The following DNAJC5 variants were observed in gnomAD, a reference collection of about 807,000 sequenced individuals.
The protein encoded by DNAJC5 is DnaJ heat shock protein family (Hsp40) member C5, also known as dnaJ homolog subfamily C member 5.
Under a neutral mutation model 23.2 loss-of-function variants are expected in DNAJC5, and 1 was observed. That is an observed-to-expected ratio of 0.04 (90% confidence interval 0.02 to 0.20). The LOEUF (loss-of-function observed/expected upper bound fraction) is 0.20. Ranked by LOEUF, DNAJC5 falls within the 10% of genes least tolerant of loss-of-function variation. DNAJC5 has a pLI of 1.00. For missense variants in DNAJC5, 180 were observed against 267.0 expected (o/e 0.67, Z 2.27); for synonymous variants, 136 against 120.0 (o/e 1.13, Z -0.87).
chr20:63,921,905 A>C (rs1005440385), intron 1 of DNAJC5, among the ~76,000 whole-genome samples: 4 of 151,828 alleles, frequency 2.6e-5, no homozygotes, highest in South Asian at 2.1e-4. Flanking sequence ...CAGCCTCCCA[A>C]CTAGCTGGGA....
chr20:63,909,459 C>T (rs558383476), intron 1 of DNAJC5, among the ~76,000 whole-genome samples: 3 of 151,648 alleles, frequency 2.0e-5, no homozygotes, highest in Admixed American at 6.6e-5. Context: ...GCCGAGATGG[C>T]GCCACTGCAC....
At chr20:63,898,978 G>A (rs568443184) in intron 1 of DNAJC5, among the ~76,000 whole-genome samples, 3 of 152,274 alleles carry the variant, frequency 2.0e-5, no homozygotes, top group South Asian at 2.1e-4. Context: ...CTCCTGCCCC[G>A]CCATAGGCCT....
Position 63,921,590 on chromosome 20 carries a change from C to CAA in DNAJC5, c.-11-6731_-11-6730dup, listed in dbSNP as rs11482146. Among the ~76,000 whole-genome samples, 496 of 116,274 alleles carry CAA rather than the reference C, an allele frequency of 4.3e-3. 2 individuals are homozygous for CAA. The highest frequency in any genetic ancestry group is 6.1e-3 in the African/African-American group (207 of 33,832). 76.3% of individuals were successfully genotyped at this position (116,274 alleles called of 152,430 possible). ...TGGGAGACAGAGCGAGACTCCGTCT[C>CAA]AAAAAAAAAAAAAAAGAGTTCTGAC... On this transcript the variant is annotated intron_variant, in intron 1 of 4. Transcript: ENST00000360864.
intron 1 of DNAJC5, among the ~76,000 whole-genome samples, chr20:63,908,542 T>G (rs2053461953): frequency 1.3e-5 from 2 of 152,134 alleles, no homozygotes; most frequent in Admixed American, 1.3e-4. Context: ...AGGGCAAAGG[T>G]CACTAAGTAG....
intron 1 of DNAJC5, among the ~76,000 whole-genome samples, chr20:63,924,956 G>A (rs1392030623): frequency 6.6e-6 from 1 of 152,238 alleles, no homozygotes; most frequent in Non-Finnish European, 1.5e-5. Flanking sequence ...CAAGATCAAG[G>A]ATACACTGGA....
chr20:63,913,264 C>T (rs1189688535), intron 1 of DNAJC5, among the ~76,000 whole-genome samples: 1 of 152,144 alleles, frequency 6.6e-6, no homozygotes, highest in African/African-American at 2.4e-5. Flanking sequence ...GTCTTTGCCC[C>T]ACTCCCTGCA....
chr20:63,909,274 C>T (rs1010370707), intron 1 of DNAJC5, among the ~76,000 whole-genome samples: 2 of 151,528 alleles, frequency 1.3e-5, no homozygotes, highest in South Asian at 4.2e-4. Flanking sequence ...CCGAGGCGGG[C>T]GGATCCCAAG....
chr20:63,930,983 C>T lies in DNAJC5; in HGVS notation c.454C>T (p.Pro152Ser). ...EGEETEFYVS[P>S]EDLEAQLQSD... ...CGAGGAGACGGAGTTCTACGTGTCC[C>T]CCGAGGATCTGGAGGCACAGCTGCA... The change falls in exon 4 of 5, where the codon CCC (proline) becomes TCC (serine). Residue 152 changes from proline (P) to serine (S), a missense_variant. Pro to Ser is a moderately conservative substitution (Grantham distance 74). Coordinates refer to ENST00000360864, the MANE Select transcript of DNAJC5 (RefSeq NM_025219.3). 6.2e-7 allele frequency: 1 copy of T among 1,614,112 alleles called. No individual in the cohort carries two copies.
chr20:63,909,833 G>A (rs1380309955), intron 1 of DNAJC5, among the ~76,000 whole-genome samples: 1 of 152,242 alleles, frequency 6.6e-6, no homozygotes, highest in Non-Finnish European at 1.5e-5. Context: ...GGCAGCAGAG[G>A]CCCGCCTGGG....
In DNAJC5 at chr20:63,928,266, G is replaced by A. The variant is rs1291716678; in HGVS notation, c.-11-69G>A. On this transcript the variant is annotated intron_variant, in intron 1 of 4. Transcript: ENST00000360864. This position sits in a 1 kb window ranked among gnomAD's most constrained non-coding sequence, Gnocchi z 4.6. Reference sequence around the variant, plus strand: ...GCTTTGAACGGTCTTATGGAATAAAGTCCATCAGCTCTGCCCTTGGTACTT... The same window carrying A: ...GCTTTGAACGGTCTTATGGAATAAAATCCATCAGCTCTGCCCTTGGTACTT... 5 of 1,284,122 alleles carry A rather than the reference G, an allele frequency of 3.9e-6. No individual in the cohort carries two copies. The highest frequency in any genetic ancestry group is 5.6e-6 in the Non-Finnish European group (5 of 893,296). The allele number at this position is 1,284,122 out of a possible 1,614,324, so 79.5% of individuals were successfully genotyped here. A position where few individuals can be genotyped will look rare whatever the true frequency, so the allele number is the denominator to read the frequency against.
chr20:63,930,740 A>G, intron 3 of DNAJC5, 111 bp from the exon 4 acceptor site: 1 of 1,536,476 alleles, frequency 6.5e-7, no homozygotes, highest in Non-Finnish European at 8.9e-7. Context: ...GGAAGGCAGT[A>G]TCCCCACCTG....
At chr20:63,919,732 C>T (rs2053550892) in intron 1 of DNAJC5, 1 of 437,316 alleles carries the variant, frequency 2.3e-6, no homozygotes, top group Non-Finnish European at 4.3e-6. Context: ...AGGACAGCGC[C>T]ACGGAAGAGG....
chr20:63,914,157 C>T lies in DNAJC5; in HGVS notation c.-11-14178C>T, dbSNP rs73317273. On this transcript the variant is annotated intron_variant, in intron 1 of 4. Transcript: ENST00000360864. ...CTTGGTGAAAGTGGCGCCCAGACTT[C>T]AGTCCTTACAGCCCAGAACTCAGAA... Among the ~76,000 whole-genome samples, 509 of 152,336 alleles carry T rather than the reference C, an allele frequency of 3.3e-3. 5 individuals are homozygous for T. The highest frequency in any genetic ancestry group is 0.012 in the African/African-American group (491 of 41,578).
rs574686857 is a variant in DNAJC5 at position 63,929,236 on chromosome 20, G to T, written c.108-76G>T. 10 of 1,526,638 alleles carry T rather than the reference G, an allele frequency of 6.6e-6. No homozygotes were observed. Among genetic ancestry groups the T allele is most frequent in the Non-Finnish European group, 8.9e-6 (10 of 1,122,710 alleles). The allele number at this position is 1,526,638 out of a possible 1,614,324, so 94.6% of individuals were successfully genotyped here. A position where few individuals can be genotyped will look rare whatever the true frequency, so the allele number is the denominator to read the frequency against. On this transcript the variant is annotated intron_variant, in intron 2 of 4. Coordinates refer to ENST00000360864, the MANE Select transcript of DNAJC5 (RefSeq NM_025219.3). The surrounding 1 kb of genome is among the most constrained non-coding windows in gnomAD (Gnocchi z 8.6). The stretch of plus-strand genomic sequence containing the variant: ...TTCCACTGCACCCGGCAGTGCGTGC[G>T]GGTGGGATGGACGCGGCGGCGGGTG...
At chr20:63,924,220 AT>A (rs1266604312) in intron 1 of DNAJC5, among the ~76,000 whole-genome samples, 1 of 152,138 alleles carries the variant, frequency 6.6e-6, no homozygotes, top group African/African-American at 2.4e-5. Context: ...GCAAAAAAAA[AT>A]CCTCTTGGAT....
intron 1 of DNAJC5, among the ~76,000 whole-genome samples, chr20:63,927,240 GGC>G (rs1203548717): frequency 6.6e-6 from 1 of 152,154 alleles, no homozygotes; most frequent in Non-Finnish European, 1.5e-5. Flanking sequence ...GTATTTGCCA[GGC>G]GCTGTGGCTC....
At chr20:63,901,485 T>A (rs2053411833) in intron 1 of DNAJC5, among the ~76,000 whole-genome samples, 1 of 152,350 alleles carries the variant, frequency 6.6e-6, no homozygotes, top group Non-Finnish European at 1.5e-5. Flanking sequence ...TATCCCGTCT[T>A]ACTCTTGACC....
intron 1 of DNAJC5, among the ~76,000 whole-genome samples, chr20:63,915,530 G>A (rs997781033): frequency 3.5e-4 from 53 of 152,218 alleles, no homozygotes; most frequent in African/African-American, 1.1e-3. Flanking sequence ...GTGAAGGGTC[G>A]GTGTCCTGGA....
intron 3 of DNAJC5, 134 bp from the exon 4 acceptor site, chr20:63,930,717 C>T: frequency 7.1e-7 from 1 of 1,402,802 alleles, no homozygotes; most frequent in Non-Finnish European, 9.9e-7. Flanking sequence ...TTCTTTCCTT[C>T]TGCTTCCTGT....
Sources: gnomAD v4.1 joint callset for allele counts (sites outside exome capture counted in the v4.1 genomes callset) on GRCh38, gnomAD v4.1.1 for gene constraint, Gnocchi (gnomAD v3.1) non-coding constraint, MANE v1.5 for transcripts, NCBI Gene and HGNC (gene_info 2026-07-23, HGNC 2026-07-21) for gene names.